The following TTC28 variants were observed in gnomAD, a reference collection of about 807,000 sequenced individuals.
The protein encoded by TTC28 is tetratricopeptide repeat domain 28.
TTC28 carries 61 observed loss-of-function variants against 198.0 expected under a neutral mutation model. The observed-to-expected ratio is 0.31, with a 90% CI of 0.25 to 0.38. TTC28 has a LOEUF of 0.38. Among genes scored for constraint, TTC28 ranks in the 10% least tolerant of loss-of-function variants. The pLI, the probability that TTC28 is intolerant of heterozygous loss-of-function variation, is 1.00. For synonymous variants in TTC28, 1,171 were observed against 1,297.8 expected (o/e 0.90, Z 2.10); for missense variants, 2,678 against 3,164.0 (o/e 0.85, Z 3.69).
At chr22:28,635,157 T>C (rs1156266407) in intron 1 of TTC28, among the ~76,000 whole-genome samples, 2 of 151,838 alleles carry the variant, frequency 1.3e-5, no homozygotes, top group South Asian at 2.1e-4. Flanking sequence ...CCATCTCTAC[T>C]AAAAATACAA....
In TTC28 at chr22:28,363,456, C is replaced by A. The variant is rs193230421; in HGVS notation, c.382-56813G>T. Among the ~76,000 whole-genome samples the A allele has an allele frequency of 2.0e-5, 3 of 152,300 alleles. No homozygotes were observed. In the East Asian group the frequency reaches 5.8e-4, roughly 29 times the overall value. ...GCAGGGGTGAGGCCCTCATGGAGAACCTCTGCTAGGGCAGTATGGAAGGAA... is the reference window on the plus strand; with the variant it reads ...GCAGGGGTGAGGCCCTCATGGAGAAACTCTGCTAGGGCAGTATGGAAGGAA... On this transcript the variant is annotated intron_variant, in intron 2 of 22. Transcript: ENST00000397906.
At chr22:28,514,916 CT>C (rs2048753539) in intron 2 of TTC28, among the ~76,000 whole-genome samples, 1 of 152,198 alleles carries the variant, frequency 6.6e-6, no homozygotes, top group Non-Finnish European at 1.5e-5. Flanking sequence ...TCCCTATCCC[CT>C]AATAAATAAA....
intron 2 of TTC28, among the ~76,000 whole-genome samples, chr22:28,534,770 G>A (rs2049228842): frequency 6.6e-6 from 1 of 152,134 alleles, no homozygotes. Context: ...TAGGGACATG[G>A]ATGAAGCTGG....
At chr22:28,458,133 T>C (rs1157995248) in intron 2 of TTC28, among the ~76,000 whole-genome samples, 1 of 152,172 alleles carries the variant, frequency 6.6e-6, no homozygotes, top group Non-Finnish European at 1.5e-5. Flanking sequence ...GTATAAAATA[T>C]GTTTGCTGTG....
chr22:28,325,324 C>A (rs1309839778), intron 2 of TTC28, among the ~76,000 whole-genome samples: 3 of 152,058 alleles, frequency 2.0e-5, no homozygotes, highest in Non-Finnish European at 4.4e-5. Context: ...TGGTGATAAT[C>A]CCTTTATCAT....
intron 5 of TTC28, among the ~76,000 whole-genome samples, chr22:28,205,081 T>C (rs1209054355): frequency 2.0e-5 from 3 of 152,238 alleles, no homozygotes; most frequent in South Asian, 2.1e-4. Flanking sequence ...ATGGTCCTTA[T>C]GAAATATTAC....
chr22:28,153,873 G>T (rs1016012443), intron 6 of TTC28, among the ~76,000 whole-genome samples: 1 of 152,154 alleles, frequency 6.6e-6, no homozygotes, highest in Admixed American at 6.5e-5. Flanking sequence ...AGGCCTTGGT[G>T]GGAAGCACCT....
At chr22:28,049,807 C>T (rs1009414564) in intron 12 of TTC28, among the ~76,000 whole-genome samples, 5 of 152,044 alleles carry the variant, frequency 3.3e-5, no homozygotes. Flanking sequence ...CACATGAGAG[C>T]TGTGTATGGG....
At chr22:28,172,928 T>C (rs539344570) in intron 5 of TTC28, among the ~76,000 whole-genome samples, 3 of 152,216 alleles carry the variant, frequency 2.0e-5, no homozygotes, top group African/African-American at 7.2e-5. Flanking sequence ...ATACTGTACA[T>C]ACTTCACAGG....
At chr22:28,138,584 A>G (rs1943254956) in intron 6 of TTC28, among the ~76,000 whole-genome samples, 1 of 152,200 alleles carries the variant, frequency 6.6e-6, no homozygotes, top group Non-Finnish European at 1.5e-5. Context: ...ATCCGGGAAT[A>G]TGTTGCTGTT....
At chr22:28,117,043 C>T (rs1482440819) in intron 6 of TTC28, among the ~76,000 whole-genome samples, 1 of 152,162 alleles carries the variant, frequency 6.6e-6, no homozygotes. Flanking sequence ...ATTTCCCACT[C>T]GTGAGAAGTT....
chr22:28,035,129 G>A (rs781207068), intron 12 of TTC28, among the ~76,000 whole-genome samples: 1 of 152,138 alleles, frequency 6.6e-6, no homozygotes, highest in Non-Finnish European at 1.5e-5. Context: ...GCTCCACAAG[G>A]CACACTTTTA....
chr22:28,162,739 A>G (rs533151837), intron 6 of TTC28, among the ~76,000 whole-genome samples: 74 of 152,316 alleles, frequency 4.9e-4, no homozygotes, highest in Middle Eastern at 3.4e-3. Flanking sequence ...GCTTGAGCCC[A>G]GGAGTTCGAG....
At chr22:28,485,977 A>G (rs1308810886) in intron 2 of TTC28, among the ~76,000 whole-genome samples, 1 of 152,146 alleles carries the variant, frequency 6.6e-6, no homozygotes, top group Non-Finnish European at 1.5e-5. Flanking sequence ...GTAAGGAGCT[A>G]TTGTGCTAGA....
chr22:28,211,928 C>G (rs1229662294), intron 5 of TTC28, among the ~76,000 whole-genome samples: 3 of 151,608 alleles, frequency 2.0e-5, no homozygotes, highest in Non-Finnish European at 4.4e-5. Flanking sequence ...ATAACAAACT[C>G]TCAGACCACA....
chr22:28,314,673 G>A (rs1285656669), intron 2 of TTC28, among the ~76,000 whole-genome samples: 2 of 151,880 alleles, frequency 1.3e-5, no homozygotes, highest in Non-Finnish European at 2.9e-5. Flanking sequence ...GCTCCTATTC[G>A]GCCATCTTAC....
rs1929008464 is a variant in TTC28 at position 28,233,835 on chromosome 22, C to G, written c.933+62363G>C. On this transcript the variant is annotated intron_variant, in intron 5 of 22. Transcript: ENST00000397906. The stretch of plus-strand genomic sequence containing the variant: ...TCTCAGCTCACTGCAACTTCTGCCT[C>G]CTGGGTTCAAGCGATTCTCCAGCCT... 1.3e-5 allele frequency among the ~76,000 whole-genome samples: 2 copies of G among 152,006 alleles called. 1 individual carries two copies. Among genetic ancestry groups the G allele is most frequent in the Admixed American group, 1.3e-4 (2 of 15,258 alleles).
chr22:28,317,870 C>T (rs1313834635), intron 2 of TTC28, among the ~76,000 whole-genome samples: 3 of 152,062 alleles, frequency 2.0e-5, no homozygotes, highest in African/African-American at 7.2e-5. Flanking sequence ...AGAGAAGGGT[C>T]TCCTTCCTGA....
At chr22:28,035,187 AC>A (rs1939289441) in intron 12 of TTC28, among the ~76,000 whole-genome samples, 1 of 150,776 alleles carries the variant, frequency 6.6e-6, no homozygotes. Flanking sequence ...TCCATTCCCC[AC>A]CCCCCTCCAG....
Sources: gnomAD v4.1 joint callset for allele counts (sites outside exome capture counted in the v4.1 genomes callset) on GRCh38, gnomAD v4.1.1 for gene constraint, MANE v1.5 for transcripts, NCBI Gene and HGNC (gene_info 2026-07-23, HGNC 2026-07-21) for gene names.